The following CSMD1 variants were observed in gnomAD, a reference collection of about 807,000 sequenced individuals.
CSMD1 encodes CUB and sushi domain-containing protein 1.
In CSMD1, 213 loss-of-function variants were observed where a neutral mutation model predicts 417.5. The observed-to-expected ratio is 0.51, with a 90% CI of 0.46 to 0.57. The LOEUF is 0.57. Among genes scored for constraint, CSMD1 ranks in the 20% least tolerant of loss-of-function variants. The probability of loss-of-function intolerance (pLI) is 0.00; values close to 1 mark genes in which losing one functional copy is unlikely to be tolerated. For missense variants in CSMD1, 6,923 were observed against 4,529.7 expected (o/e 1.53, Z -15.17); for synonymous variants, 2,862 against 1,736.8 (o/e 1.65, Z -16.11).
chr8:3,959,257 TAGG>T (rs1812164536), intron 5 of CSMD1, among the ~76,000 whole-genome samples: 1 of 152,236 alleles, frequency 6.6e-6, no homozygotes. Context: ...CCCAGCACTT[TAGG>T]ATGCCAAGGC....
chr8:3,356,556 TC>T (rs1808805539), intron 21 of CSMD1, among the ~76,000 whole-genome samples: 3 of 152,236 alleles, frequency 2.0e-5, no homozygotes, highest in Middle Eastern at 3.4e-3. Flanking sequence ...GTGCCTGTAG[TC>T]CCAGCAACTC....
intron 3 of CSMD1, among the ~76,000 whole-genome samples, chr8:4,100,094 A>G (rs982618938): frequency 2.6e-5 from 4 of 152,090 alleles, no homozygotes; most frequent in African/African-American, 9.7e-5. Context: ...CCAGACTCCT[A>G]CTCACTGGCT....
rs868791647 is a variant in CSMD1 at position 4,973,176 on chromosome 8, C to T, written c.85+21156G>A. Among the ~76,000 whole-genome samples the T allele has an allele frequency of 8.5e-5, 13 of 152,100 alleles. 2 individuals are homozygous for T. The South Asian group carries it at 2.5e-3, about 29-fold the overall frequency. ...TAATTATCCAATATCTTGCAGAACACTTTATTACTTTTTAGTGCCTTTTTG... is the reference window on the plus strand; with the variant it reads ...TAATTATCCAATATCTTGCAGAACATTTTATTACTTTTTAGTGCCTTTTTG... On this transcript the variant is annotated intron_variant, in intron 1 of 69. Coordinates refer to ENST00000635120, the MANE Select transcript of CSMD1 (RefSeq NM_033225.6).
At chr8:3,676,363 T>C (rs192782066) in intron 7 of CSMD1, among the ~76,000 whole-genome samples, 70 of 152,262 alleles carry the variant, frequency 4.6e-4, no homozygotes, top group African/African-American at 1.3e-3. Context: ...CCAGGCAGGA[T>C]TGTTGTCAAA....
At chr8:2,999,058 G>A (rs959172067) in intron 53 of CSMD1, among the ~76,000 whole-genome samples, 2 of 151,544 alleles carry the variant, frequency 1.3e-5, no homozygotes, top group African/African-American at 4.8e-5. Flanking sequence ...TACATTGTTC[G>A]AAAAATAGTC....
At chr8:4,646,415 G>A (rs1013015269) in intron 1 of CSMD1, among the ~76,000 whole-genome samples, 1 of 152,120 alleles carries the variant, frequency 6.6e-6, no homozygotes, top group African/African-American at 2.4e-5. Context: ...AGTGTCTCAA[G>A]GTTGTGGCAG....
chr8:4,851,896 T>A (rs912235857), intron 1 of CSMD1, among the ~76,000 whole-genome samples: 4 of 152,150 alleles, frequency 2.6e-5, no homozygotes, highest in African/African-American at 9.6e-5. Flanking sequence ...TAGAGAAAAT[T>A]TATACTCATT....
At chr8:4,873,767 A>T (rs1415985747) in intron 1 of CSMD1, among the ~76,000 whole-genome samples, 1 of 152,166 alleles carries the variant, frequency 6.6e-6, no homozygotes, top group Non-Finnish European at 1.5e-5. Context: ...CCTATTTTAT[A>T]GAAAGTAGCA....
rs752454796 is a variant in CSMD1 at position 2,936,281 on chromosome 8, G to C, written c.*2304C>G. 3 of 151,800 alleles carry C rather than the reference G, an allele frequency of 2.0e-5. No individual in the cohort carries two copies. The highest frequency in any genetic ancestry group is 1.3e-4 in the Admixed American group (2 of 15,222). 9.4% of individuals were successfully genotyped at this position (151,800 alleles called of 1,614,324 possible). ...TCATAGCATCGTTGACCAGGGAGCAGGTCAGGGATATGGGAACAGAGATGT... is the reference window on the plus strand; with the variant it reads ...TCATAGCATCGTTGACCAGGGAGCACGTCAGGGATATGGGAACAGAGATGT... On this transcript the variant is annotated 3_prime_UTR_variant, in exon 70 of 70. Coordinates refer to ENST00000635120, the MANE Select transcript of CSMD1 (RefSeq NM_033225.6).
intron 21 of CSMD1, among the ~76,000 whole-genome samples, chr8:3,355,036 C>G (rs184799828): frequency 1.4e-5 from 2 of 143,796 alleles, no homozygotes; most frequent in African/African-American, 2.8e-5. Flanking sequence ...TTTTGTTTCA[C>G]TATGCTGTCG....
intron 1 of CSMD1, among the ~76,000 whole-genome samples, chr8:4,898,481 C>G (rs142560883): frequency 7.2e-4 from 110 of 152,246 alleles, no homozygotes; most frequent in African/African-American, 2.6e-3. Context: ...GACCAAAATC[C>G]AAATGCTTGC....
chr8:4,446,033 T>G (rs768272333), intron 2 of CSMD1, among the ~76,000 whole-genome samples: 1 of 152,100 alleles, frequency 6.6e-6, no homozygotes, highest in African/African-American at 2.4e-5. Flanking sequence ...TCTTAGGAAC[T>G]TGACACAGCC....
At chr8:3,636,685 A>C (rs1797067240) in intron 7 of CSMD1, among the ~76,000 whole-genome samples, 1 of 152,182 alleles carries the variant, frequency 6.6e-6, no homozygotes, top group Non-Finnish European at 1.5e-5. Context: ...TCCTGTGGAG[A>C]GGTGAAGCCT....
At chr8:4,154,743 G>A (rs1219857563) in intron 3 of CSMD1, among the ~76,000 whole-genome samples, 2 of 152,174 alleles carry the variant, frequency 1.3e-5, no homozygotes, top group Non-Finnish European at 2.9e-5. Context: ...ATGCAAGTAA[G>A]GCTAATATCC....
At chr8:4,405,341 A>T (rs183554252) in intron 3 of CSMD1, among the ~76,000 whole-genome samples, 6 of 152,166 alleles carry the variant, frequency 3.9e-5, no homozygotes, top group Admixed American at 3.9e-4. Flanking sequence ...TTTTCTTCTC[A>T]ATTTCCTAAG....
At chr8:3,637,628 G>C (rs560019956) in intron 7 of CSMD1, among the ~76,000 whole-genome samples, 2 of 151,948 alleles carry the variant, frequency 1.3e-5, no homozygotes, top group African/African-American at 4.8e-5. Flanking sequence ...GCTACTGTTG[G>C]CACTATTAAA....
At chr8:4,509,112 G>C (rs1194099921) in intron 2 of CSMD1, among the ~76,000 whole-genome samples, 2 of 152,072 alleles carry the variant, frequency 1.3e-5, no homozygotes, top group African/African-American at 4.8e-5. Context: ...AAAATACTTG[G>C]AATGATAAAT....
rs539881492 is a variant in CSMD1 at position 3,010,000 on chromosome 8, T to C, written c.8029+8477A>G. Among the ~76,000 whole-genome samples the C allele has an allele frequency of 2.0e-5, 3 of 152,328 alleles. No homozygotes were observed. The East Asian group carries it at 5.8e-4, about 29-fold the overall frequency. ...CCTGTCTCAATGTAGTTCCTGAATA[T>C]ACCCCATTTCCACCTTCTTCCCTGG... On this transcript the variant is annotated intron_variant, in intron 52 of 69. Coordinates refer to ENST00000635120, the MANE Select transcript of CSMD1 (RefSeq NM_033225.6).
At chr8:4,874,867 G>C (rs569964353) in intron 1 of CSMD1, among the ~76,000 whole-genome samples, 3 of 148,104 alleles carry the variant, frequency 2.0e-5, no homozygotes, top group Non-Finnish European at 4.5e-5. Context: ...ATATAGTATA[G>C]TGTATATATA....
Sources: allele counts gnomAD v4.1 joint callset (sites outside exome capture counted in the v4.1 genomes callset), GRCh38; gene constraint gnomAD v4.1.1; transcripts MANE v1.5; gene names NCBI Gene and HGNC (gene_info 2026-07-23, HGNC 2026-07-21).